The following INPP4B variants were observed in gnomAD, a reference collection of about 807,000 sequenced individuals.
INPP4B encodes inositol polyphosphate-4-phosphatase type II B.
INPP4B carries 55 observed loss-of-function variants against 122.5 expected under a neutral mutation model. That is an observed-to-expected ratio of 0.45 (90% CI 0.36 to 0.56). The LOEUF is 0.56. Ranked by LOEUF, INPP4B falls within the 20% of genes least tolerant of loss-of-function variation. The probability of loss-of-function intolerance (pLI) is 0.00; values close to 1 mark genes in which losing one functional copy is unlikely to be tolerated. For synonymous variants in INPP4B, 403 were observed against 388.7 expected (o/e 1.04, Z -0.43); for missense variants, 1,000 against 1,097.7 (o/e 0.91, Z 1.26).
rs184155869 is a variant in INPP4B at position 142,270,728 on chromosome 4, C to T, written c.550G>A (p.Val184Met). ...CCATCCTCAATCTCCCCCATCTTCA[C>T]GACACTGACTTCTATGGTGCCAACC... ...KVVGTIEVSV[V>M]KMGEIEDGEA... The change falls in exon 10 of 26, where the codon GTG (valine) becomes ATG (methionine). Residue 184 changes from valine to methionine, a missense_variant. Transcript: ENST00000262992. 6.3e-5 allele frequency: 102 copies of T among 1,613,986 alleles called. No individual in the cohort carries two copies. The Admixed American group carries it at 8.2e-4, about 13-fold the overall frequency.
At chr4:142,125,063 C>A (rs542564373) in intron 18 of INPP4B, among the ~76,000 whole-genome samples, 6 of 152,216 alleles carry the variant, frequency 3.9e-5, no homozygotes, top group African/African-American at 1.4e-4. Flanking sequence ...GCCATCAAAT[C>A]TTTCTCATAC....
intron 12 of INPP4B, among the ~76,000 whole-genome samples, chr4:142,226,353 A>G (rs893736147): frequency 6.6e-6 from 1 of 152,178 alleles, no homozygotes; most frequent in African/African-American, 2.4e-5. Flanking sequence ...ACAATAAACC[A>G]GCTGCCATTT....
chr4:142,537,998 A>C (rs1314627820), intron 2 of INPP4B, among the ~76,000 whole-genome samples: 1 of 152,102 alleles, frequency 6.6e-6, no homozygotes, highest in Non-Finnish European at 1.5e-5. Flanking sequence ...TAATACCTTA[A>C]CTTTAAAAAG....
intron 18 of INPP4B, among the ~76,000 whole-genome samples, chr4:142,135,429 A>G (rs376990073): frequency 7.6e-6 from 1 of 130,956 alleles, no homozygotes; most frequent in Admixed American, 6.9e-5. Flanking sequence ...AAAGTGAGAT[A>G]TTTTATATAA....
At chr4:142,815,295 A>G (rs563046471) in intron 1 of INPP4B, among the ~76,000 whole-genome samples, 2 of 152,298 alleles carry the variant, frequency 1.3e-5, no homozygotes, top group Admixed American at 1.3e-4. Flanking sequence ...GATAAAAACT[A>G]AAGAAATCTG....
In INPP4B at chr4:142,107,966, T is replaced by C. The variant is rs964689481; in HGVS notation, c.2374+127A>G. 26 of 583,598 alleles carry C rather than the reference T, an allele frequency of 4.5e-5. No individual in the cohort carries two copies. The African/African-American group carries it at 4.7e-4, about 10-fold the overall frequency. The allele number at this position is 583,598 out of a possible 1,614,324, so 36.2% of individuals were successfully genotyped here. A position where few individuals can be genotyped will look rare whatever the true frequency, so the allele number is the denominator to read the frequency against. On this transcript the variant is annotated intron_variant, in intron 23 of 25. Coordinates refer to ENST00000262992, the MANE Select transcript of INPP4B (RefSeq NM_001101669.3). Reference sequence around the variant, plus strand: ...TGGCAATCAGTCTTTTTGGATCAGATAATTTCAAAATCACTCTCACATCCC... The same window carrying C: ...TGGCAATCAGTCTTTTTGGATCAGACAATTTCAAAATCACTCTCACATCCC...
intron 7 of INPP4B, among the ~76,000 whole-genome samples, chr4:142,398,390 AAAAAAAAAAAAATATATATAT>A (rs1236967933): frequency 4.2e-5 from 3 of 70,642 alleles, no homozygotes; most frequent in Non-Finnish European, 7.2e-5. Flanking sequence ...AAAAAAAAAA[AAAAAAAAAAAAATATATATAT>A]ATATATATAT....
At chr4:142,723,860 C>T (rs757246863) in intron 2 of INPP4B, among the ~76,000 whole-genome samples, 13 of 152,020 alleles carry the variant, frequency 8.6e-5, no homozygotes, top group Non-Finnish European at 1.3e-4. Flanking sequence ...AGGAATTTTA[C>T]GAGATTGCAA....
chr4:142,457,207 CTA>C (rs1237100464), intron 3 of INPP4B, among the ~76,000 whole-genome samples: 1 of 151,876 alleles, frequency 6.6e-6, no homozygotes, highest in Non-Finnish European at 1.5e-5. Context: ...GAAGAAAATT[CTA>C]TAGACCTTGG....
intron 2 of INPP4B, among the ~76,000 whole-genome samples, chr4:142,585,735 A>G (rs1323908825): frequency 1.3e-5 from 2 of 152,002 alleles, no homozygotes; most frequent in Non-Finnish European, 2.9e-5. Context: ...CTCTAGGGCC[A>G]TGAGTTGTTT....
chr4:142,598,803 A>G (rs115562751), intron 2 of INPP4B, among the ~76,000 whole-genome samples: 8 of 152,232 alleles, frequency 5.3e-5, no homozygotes, highest in African/African-American at 1.9e-4. Flanking sequence ...AGACTCATGC[A>G]CAGAGAGCAG....
intron 2 of INPP4B, among the ~76,000 whole-genome samples, chr4:142,594,378 C>T (rs1738212678): frequency 6.6e-6 from 1 of 152,128 alleles, no homozygotes. Context: ...AGGCCTACAG[C>T]AATAAAATAA....
chr4:142,417,044 G>T (rs17016097), intron 5 of INPP4B, among the ~76,000 whole-genome samples: 3,069 of 152,202 alleles, frequency 0.02, 92 homozygotes, highest in African/African-American at 0.071. Flanking sequence ...TCGTGGGAAA[G>T]AGTAGTTCTA....
intron 1 of INPP4B, among the ~76,000 whole-genome samples, chr4:142,764,792 G>A (rs1370988077): frequency 6.6e-6 from 1 of 151,866 alleles, no homozygotes; most frequent in Admixed American, 6.6e-5. Flanking sequence ...TCTAGCATGT[G>A]TATCTGGAGA....
intron 1 of INPP4B, among the ~76,000 whole-genome samples, chr4:142,762,549 T>C (rs191762): frequency 0.35 from 53,863 of 151,922 alleles, 9,763 homozygotes; most frequent in South Asian, 0.49. Flanking sequence ...ACAAGAAGCA[T>C]TTTTCAGCAA....
chr4:142,528,801 C>A (rs1827240853), intron 2 of INPP4B, among the ~76,000 whole-genome samples: 1 of 152,054 alleles, frequency 6.6e-6, no homozygotes, highest in Non-Finnish European at 1.5e-5. Flanking sequence ...ACATAATTAA[C>A]AGACAAGCTA....
At chr4:142,648,634 C>A (rs1036601698) in intron 2 of INPP4B, among the ~76,000 whole-genome samples, 1 of 152,174 alleles carries the variant, frequency 6.6e-6, no homozygotes, top group Non-Finnish European at 1.5e-5. Flanking sequence ...TCCGCAATTG[C>A]TGAGGCTTGA....
intron 7 of INPP4B, among the ~76,000 whole-genome samples, chr4:142,322,984 A>G (rs1363280493): frequency 3.9e-5 from 6 of 152,338 alleles, no homozygotes; most frequent in Admixed American, 1.3e-4. Flanking sequence ...ACTTTTTGGT[A>G]AGAATGAGCC....
intron 2 of INPP4B, among the ~76,000 whole-genome samples, chr4:142,670,088 C>T (rs1756771864): frequency 1.3e-5 from 2 of 152,144 alleles, no homozygotes; most frequent in Non-Finnish European, 2.9e-5. Context: ...TATACACATA[C>T]AAACGGTGTA....
Sources: allele counts gnomAD v4.1 joint callset (sites outside exome capture counted in the v4.1 genomes callset), GRCh38; gene constraint gnomAD v4.1.1; transcripts MANE v1.5; gene names NCBI Gene and HGNC (gene_info 2026-07-23, HGNC 2026-07-21).